The following ANKRD6 variants were observed in gnomAD, a reference collection of about 807,000 sequenced individuals.
ANKRD6 encodes the protein ankyrin repeat domain 6, also known as ankyrin repeat domain-containing protein 6.
In ANKRD6, 56 loss-of-function variants were observed where a neutral mutation model predicts 82.3. The ratio of observed to expected loss-of-function variants is 0.68; its 90% confidence interval spans 0.55 to 0.85. The LOEUF is 0.85. Among genes scored for constraint, ANKRD6 ranks in the 40% least tolerant of loss-of-function variants. ANKRD6 has a pLI of 0.00. For missense variants in ANKRD6, 852 were observed against 907.6 expected, an observed-to-expected ratio of 0.94 and a Z score of 0.79; for synonymous variants, 347 against 352.1, an observed-to-expected ratio of 0.99 and a Z score of 0.16.
intron 2 of ANKRD6, among the ~76,000 whole-genome samples, chr6:89,574,434 T>C (rs1003327743): frequency 6.6e-6 from 1 of 152,058 alleles, no homozygotes; most frequent in African/African-American, 2.4e-5. Flanking sequence ...AACCTTAGAG[T>C]TTCCATAAGC....
chr6:89,591,692 C>G (rs1794952003), intron 2 of ANKRD6, among the ~76,000 whole-genome samples: 1 of 152,176 alleles, frequency 6.6e-6, no homozygotes, highest in Admixed American at 6.5e-5. Flanking sequence ...TCTGGAAAAC[C>G]AAGTACATGT....
At chr6:89,446,480 A>C (rs1772104757) in intron 1 of ANKRD6, among the ~76,000 whole-genome samples, 2 of 152,260 alleles carry the variant, frequency 1.3e-5, no homozygotes, top group South Asian at 4.1e-4. Flanking sequence ...AATTAATATT[A>C]GTGAGGCAGG....
intron 3 of ANKRD6, among the ~76,000 whole-genome samples, chr6:89,601,231 G>A (rs531408963): frequency 3.3e-5 from 5 of 152,242 alleles, no homozygotes; most frequent in African/African-American, 1.2e-4. Context: ...GTCTGGGAAG[G>A]TGGATGAGAA....
At chr6:89,598,319 A>G in intron 3 of ANKRD6, 1 of 985,382 alleles carries the variant, frequency 1.0e-6, no homozygotes, top group Non-Finnish European at 1.2e-6. Context: ...CCCGCCTCAG[A>G]AATAGTCCAG....
intron 5 of ANKRD6, among the ~76,000 whole-genome samples, chr6:89,608,629 C>T (rs572564621): frequency 5.3e-5 from 8 of 152,124 alleles, no homozygotes; most frequent in Non-Finnish European, 7.4e-5. Flanking sequence ...CTTTGCCCTC[C>T]GGTGAAATCT....
chr6:89,436,720 T>C (rs1446275820), intron 1 of ANKRD6, among the ~76,000 whole-genome samples: 1 of 152,218 alleles, frequency 6.6e-6, no homozygotes, highest in African/African-American at 2.4e-5. Flanking sequence ...AAGACTAATA[T>C]TATTTCAAAA....
chr6:89,502,003 C>A (rs1779323748), intron 1 of ANKRD6, among the ~76,000 whole-genome samples: 1 of 152,182 alleles, frequency 6.6e-6, no homozygotes, highest in Non-Finnish European at 1.5e-5. Context: ...TGGGCAGCTG[C>A]TGCAGATGAT....
At chr6:89,502,172 A>G (rs909129757) in intron 1 of ANKRD6, among the ~76,000 whole-genome samples, 3 of 152,228 alleles carry the variant, frequency 2.0e-5, no homozygotes, top group Non-Finnish European at 4.4e-5. Flanking sequence ...GGTAATTATT[A>G]GGATAGTAGG....
At chr6:89,435,753 G>A (rs1265674873) in intron 1 of ANKRD6, among the ~76,000 whole-genome samples, 2 of 152,222 alleles carry the variant, frequency 1.3e-5, no homozygotes, top group Non-Finnish European at 2.9e-5. Flanking sequence ...TAATTTGGGT[G>A]CGTGCGTTTT....
At chr6:89,576,338 C>T (rs1228523769) in intron 2 of ANKRD6, among the ~76,000 whole-genome samples, 1 of 152,226 alleles carries the variant, frequency 6.6e-6, no homozygotes, top group Non-Finnish European at 1.5e-5. Context: ...GCGTGAGCCA[C>T]CACACCTGGC....
intron 1 of ANKRD6, among the ~76,000 whole-genome samples, chr6:89,535,942 A>G (rs1783770717): frequency 6.6e-6 from 1 of 152,248 alleles, no homozygotes; most frequent in Non-Finnish European, 1.5e-5. Context: ...TGAAGAGAGT[A>G]TCACAGGCCA....
At chr6:89,590,603 C>T (rs185820663) in intron 2 of ANKRD6, among the ~76,000 whole-genome samples, 229 of 152,276 alleles carry the variant, frequency 1.5e-3, no homozygotes, top group African/African-American at 5.3e-3. Flanking sequence ...TAAGGTAAAA[C>T]ACCCAAGAAC....
At chr6:89,538,011 G>A (rs2128000355) in intron 1 of ANKRD6, among the ~76,000 whole-genome samples, 1 of 151,964 alleles carries the variant, frequency 6.6e-6, no homozygotes, top group Middle Eastern at 3.4e-3. Flanking sequence ...CTCAACTACA[G>A]CATTTTAGTT....
At chr6:89,444,700 G>T (rs903677778) in intron 1 of ANKRD6, among the ~76,000 whole-genome samples, 1 of 152,164 alleles carries the variant, frequency 6.6e-6, no homozygotes, top group Non-Finnish European at 1.5e-5. Context: ...GGGCGCGGTG[G>T]CTCACGCCTG....
In ANKRD6 at chr6:89,630,656, C is replaced by G; in HGVS notation, c.1836C>G (p.Pro612=). 3 of 1,613,950 alleles carry G rather than the reference C, an allele frequency of 1.9e-6. No individual in the cohort carries two copies. The highest frequency in any genetic ancestry group is 2.5e-6 in the Non-Finnish European group (3 of 1,179,828). ...EAARSDQQAG[P]CVNRGTQTKK... ...CCAGATCTGATCAGCAGGCTGGGCC[C>G]TGCGTCAACAGAGGCACTCAAACTA... The change falls in exon 16 of 16, where the codon CCC becomes CCG. Residue 612 remains proline (P), a synonymous_variant. Coordinates refer to ENST00000339746, the MANE Select transcript of ANKRD6 (RefSeq NM_001242809.2).
At chr6:89,618,603 T>C (rs563690641) in intron 9 of ANKRD6, among the ~76,000 whole-genome samples, 1 of 152,216 alleles carries the variant, frequency 6.6e-6, no homozygotes. Flanking sequence ...TAAGTAACAA[T>C]AAAGAAATGT....
chr6:89,546,083 G>A (rs777203932), intron 1 of ANKRD6, among the ~76,000 whole-genome samples: 1 of 151,916 alleles, frequency 6.6e-6, no homozygotes, highest in South Asian at 2.1e-4. Flanking sequence ...CTGGGATTAC[G>A]GCGTGAGCCA....
chr6:89,600,816 A>G (rs960678695), intron 3 of ANKRD6, among the ~76,000 whole-genome samples: 3 of 152,066 alleles, frequency 2.0e-5, no homozygotes, highest in Admixed American at 1.3e-4. Context: ...TGGGCAGATC[A>G]CTTGAGGCCA....
At chr6:89,623,727 T>C in intron 11 of ANKRD6, 145 bp from the exon 12 acceptor site, 1 of 1,250,374 alleles carries the variant, frequency 8.0e-7, no homozygotes, top group Non-Finnish European at 1.1e-6. Flanking sequence ...ATATTTCTTT[T>C]GACATGTGTG....
Sources: gnomAD v4.1 joint callset for allele counts (sites outside exome capture counted in the v4.1 genomes callset) on GRCh38, gnomAD v4.1.1 for gene constraint, MANE v1.5 for transcripts, NCBI Gene and HGNC (gene_info 2026-07-23, HGNC 2026-07-21) for gene names.